Variants in RAPGEF4 observed in about 807,000 individuals in gnomAD.
RAPGEF4 encodes the protein Rap guanine nucleotide exchange factor 4.
RAPGEF4 carries 66 observed loss-of-function variants against 147.9 expected under a neutral mutation model. That is an observed-to-expected ratio of 0.45 (90% CI 0.37 to 0.55). The LOEUF (loss-of-function observed/expected upper bound fraction) is 0.55. Among genes scored for constraint, RAPGEF4 ranks in the 20% least tolerant of loss-of-function variants. RAPGEF4 has a pLI of 0.00. For synonymous variants in RAPGEF4, 419 were observed against 442.7 expected (o/e 0.95, Z 0.67); for missense variants, 1,071 against 1,257.3 (o/e 0.85, Z 2.24).
intron 17 of RAPGEF4, among the ~76,000 whole-genome samples, chr2:173,002,620 T>C (rs191028396): frequency 1.9e-3 from 235 of 126,934 alleles, no homozygotes; most frequent in Admixed American, 6.2e-3. Flanking sequence ...TTTTATTCTT[T>C]CTTTTTTTTT....
chr2:172,892,653 A>G (rs747524348), intron 4 of RAPGEF4, among the ~76,000 whole-genome samples: 1 of 152,248 alleles, frequency 6.6e-6, no homozygotes, highest in Non-Finnish European at 1.5e-5. Flanking sequence ...TCTGAAATGC[A>G]TTCAACAAGG....
intron 4 of RAPGEF4, among the ~76,000 whole-genome samples, chr2:172,840,245 C>T (rs1691432919): frequency 6.6e-6 from 1 of 152,102 alleles, no homozygotes; most frequent in African/African-American, 2.4e-5. Flanking sequence ...AGGTTCTGAG[C>T]CAGAGTGCAG....
At chr2:172,794,921 TG>T in intron 1 of RAPGEF4, 103 bp from the exon 2 acceptor site, 1 of 1,110,728 alleles carries the variant, frequency 9.0e-7, no homozygotes. Flanking sequence ...TATTCACAAG[TG>T]GGATATTTGG....
intron 6 of RAPGEF4, 125 bp downstream of exon 6, chr2:172,922,425 T>A: frequency 2.1e-6 from 2 of 972,042 alleles, no homozygotes; most frequent in Non-Finnish European, 3.2e-6. Context: ...ATTTTTCTAA[T>A]CTCATTCTGG....
At chr2:173,028,648 T>C (rs1056600189) in intron 25 of RAPGEF4, among the ~76,000 whole-genome samples, 2 of 152,206 alleles carry the variant, frequency 1.3e-5, no homozygotes, top group Non-Finnish European at 2.9e-5. Context: ...AATTAGTTTA[T>C]GTTATTTAAC....
At chr2:172,957,477 C>T (rs1688858438) in intron 6 of RAPGEF4, among the ~76,000 whole-genome samples, 1 of 152,240 alleles carries the variant, frequency 6.6e-6, no homozygotes, top group Admixed American at 6.5e-5. Context: ...GGGATGTGGC[C>T]TGCCTGTCAG....
intron 23 of RAPGEF4, among the ~76,000 whole-genome samples, chr2:173,024,651 C>T (rs1324511295): frequency 6.6e-6 from 1 of 152,210 alleles, no homozygotes; most frequent in African/African-American, 2.4e-5. Context: ...TATCATGACC[C>T]CAATTTACCA....
rs867328709 is a variant in RAPGEF4, at chr2:173,046,190, G to A, written c.2854-2410G>A. ...CTTTGAGAACAATTAAAAAGGATAC[G>A]TCAAAATTAAAACCATTGTTAAAAT... is the stretch of plus-strand genomic sequence containing the variant. On this transcript the variant is annotated intron_variant, in intron 29 of 30. Coordinates refer to ENST00000397081, the MANE Select transcript of RAPGEF4 (RefSeq NM_007023.4). 5.3e-5 allele frequency among the ~76,000 whole-genome samples: 8 copies of A among 152,158 alleles called. No individual in the cohort carries two copies. The East Asian group carries it at 5.8e-4, about 11-fold the overall frequency.
intron 4 of RAPGEF4, among the ~76,000 whole-genome samples, chr2:172,893,449 C>T (rs548690382): frequency 6.6e-6 from 1 of 152,322 alleles, no homozygotes; most frequent in East Asian, 1.9e-4. Flanking sequence ...CAACCCCATT[C>T]CCCGTAAAGT....
intron 4 of RAPGEF4, among the ~76,000 whole-genome samples, chr2:172,885,640 T>C (rs1348629690): frequency 2.6e-5 from 4 of 152,140 alleles, no homozygotes; most frequent in African/African-American, 9.7e-5. Context: ...CTTACAAAAC[T>C]ATCAGCTCTC....
intron 4 of RAPGEF4, among the ~76,000 whole-genome samples, chr2:172,897,213 A>G (rs1330872913): frequency 6.6e-6 from 1 of 152,152 alleles, no homozygotes; most frequent in Non-Finnish European, 1.5e-5. Context: ...TTTATGTTGT[A>G]TAATTCTGCA....
At chr2:172,955,616 G>C (rs896714917) in intron 6 of RAPGEF4, among the ~76,000 whole-genome samples, 1 of 152,164 alleles carries the variant, frequency 6.6e-6, no homozygotes, top group African/African-American at 2.4e-5. Flanking sequence ...TCAAAATCTA[G>C]AAAATTTCAT....
chr2:172,931,882 T>G (rs1326892800), intron 6 of RAPGEF4, among the ~76,000 whole-genome samples: 1 of 152,172 alleles, frequency 6.6e-6, no homozygotes, highest in Admixed American at 6.5e-5. Context: ...GATGCGTAAA[T>G]GGTTCTGTCA....
intron 10 of RAPGEF4, among the ~76,000 whole-genome samples, chr2:172,972,209 C>T (rs1390830799): frequency 6.6e-6 from 1 of 152,086 alleles, no homozygotes; most frequent in Non-Finnish European, 1.5e-5. Context: ...CTCTAGAGGG[C>T]GCGTGAGAGC....
At chr2:172,753,024 A>G (rs1002202072) in intron 1 of RAPGEF4, among the ~76,000 whole-genome samples, 1 of 152,144 alleles carries the variant, frequency 6.6e-6, no homozygotes, top group African/African-American at 2.4e-5. Context: ...AATTTTAAAG[A>G]GCCCTTGGTG....
chr2:172,848,816 G>T (rs752768937), intron 4 of RAPGEF4, among the ~76,000 whole-genome samples: 43 of 152,092 alleles, frequency 2.8e-4, no homozygotes, highest in Non-Finnish European at 7.4e-5. Context: ...AGGAATGCAG[G>T]TACCAAGATA....
chr2:173,003,652 C>T (rs1016238494), intron 17 of RAPGEF4, among the ~76,000 whole-genome samples: 1 of 151,854 alleles, frequency 6.6e-6, no homozygotes, highest in African/African-American at 2.4e-5. Flanking sequence ...TTGCCCAGGG[C>T]AAATAGCTGA....
At chr2:173,033,330 T>A (rs1697373070) in intron 26 of RAPGEF4, among the ~76,000 whole-genome samples, 1 of 152,274 alleles carries the variant, frequency 6.6e-6, no homozygotes, top group African/African-American at 2.4e-5. Context: ...ATTGAAACTG[T>A]GAGACTTAAT....
At chr2:173,038,572 C>T (rs547641147) in intron 29 of RAPGEF4, among the ~76,000 whole-genome samples, 1 of 152,254 alleles carries the variant, frequency 6.6e-6, no homozygotes, top group Admixed American at 6.5e-5. Context: ...GAACATCACA[C>T]ACCAGGGCCT....
Sources: gnomAD v4.1 joint callset for allele counts (sites outside exome capture counted in the v4.1 genomes callset) on GRCh38, gnomAD v4.1.1 for gene constraint, MANE v1.5 for transcripts, NCBI Gene and HGNC (gene_info 2026-07-23, HGNC 2026-07-21) for gene names.